ST7: variants seen among roughly 807,000 people sequenced by gnomAD.
The protein encoded by ST7 is suppression of tumorigenicity 7, also known as suppressor of tumorigenicity 7 protein.
Under a neutral mutation model 78.7 loss-of-function variants are expected in ST7, and 28 were observed. The ratio of observed to expected loss-of-function variants is 0.36; its 90% CI spans 0.26 to 0.49. The LOEUF (loss-of-function observed/expected upper bound fraction) is 0.49, where lower values mean the gene tolerates loss of function less well. Among genes scored for constraint, ST7 ranks in the 20% least tolerant of loss-of-function variants. The pLI is 0.99. For missense variants in ST7, 418 were observed against 696.0 expected, an observed-to-expected ratio of 0.60 and a Z score of 4.49; for synonymous variants, 247 against 249.6, an observed-to-expected ratio of 0.99 and a Z score of 0.10.
chr7:116,980,015 G>A (rs984187492), intron 1 of ST7, among the ~76,000 whole-genome samples: 1 of 128,962 alleles, frequency 7.8e-6, no homozygotes, highest in Non-Finnish European at 1.5e-5. Context: ...CTGGAGTGCA[G>A]TGCTGCGATC....
chr7:117,091,645 C>A (rs1800624857), intron 1 of ST7, among the ~76,000 whole-genome samples: 1 of 152,156 alleles, frequency 6.6e-6, no homozygotes, highest in Admixed American at 6.5e-5. Flanking sequence ...CGGCATACTG[C>A]AATTAGCCAG....
intron 1 of ST7, among the ~76,000 whole-genome samples, chr7:117,058,085 T>C (rs1013786424): frequency 4.6e-5 from 7 of 152,190 alleles, no homozygotes; most frequent in Non-Finnish European, 8.8e-5. Context: ...TCTTTATTGT[T>C]ATATTTGCTA....
chr7:117,150,451 G>A (rs1806159374), intron 9 of ST7, among the ~76,000 whole-genome samples: 1 of 151,988 alleles, frequency 6.6e-6, no homozygotes, highest in Non-Finnish European at 1.5e-5. Flanking sequence ...TGGCCAGTTT[G>A]GCATTTCAGT....
intron 3 of ST7, among the ~76,000 whole-genome samples, chr7:117,122,181 C>T (rs1034350140): frequency 7.9e-5 from 12 of 151,976 alleles, no homozygotes; most frequent in African/African-American, 1.2e-4. Flanking sequence ...ATGGCATGTT[C>T]GAGAAATAAA....
chr7:116,985,156 G>A (rs1169759758), intron 1 of ST7, among the ~76,000 whole-genome samples: 1 of 152,114 alleles, frequency 6.6e-6, no homozygotes, highest in Non-Finnish European at 1.5e-5. Flanking sequence ...GTTTTTAAGG[G>A]TAAAATTTAG....
intron 1 of ST7, among the ~76,000 whole-genome samples, chr7:116,968,175 G>T (rs1339375269): frequency 6.6e-6 from 1 of 151,870 alleles, no homozygotes; most frequent in Non-Finnish European, 1.5e-5. Flanking sequence ...TATAAAAAAG[G>T]ATTTAAATTT....
chr7:117,096,845 C>G (rs1801082075), intron 1 of ST7, among the ~76,000 whole-genome samples: 1 of 152,138 alleles, frequency 6.6e-6, no homozygotes, highest in Admixed American at 6.5e-5. Flanking sequence ...GCATCTCCTA[C>G]TCTCTAGGTG....
In ST7 at chr7:117,134,206, C is replaced by T. The variant is rs1457911728; in HGVS notation, c.710+14C>T. ...ATTGTTACCAAAGTAAGTCAAGAAC[C>T]TGTTGGGTGCCCTACTTCTAACCAA... is the stretch of plus-strand genomic sequence containing the variant. On this transcript the variant is annotated intron_variant, in intron 7 of 15. Transcript: ENST00000323984. 1.2e-6 allele frequency: 2 copies of T among 1,611,444 alleles called. No homozygotes were observed. The highest frequency in any genetic ancestry group is 1.7e-6 in the Non-Finnish European group (2 of 1,178,536).
rs928751888 is a variant in ST7, at chr7:117,190,565, G to A, written c.1152-269G>A. Among the ~76,000 whole-genome samples the A allele has an allele frequency of 6.6e-6, 1 of 152,112 alleles. No homozygotes were observed. Among genetic ancestry groups the A allele is most frequent in the Non-Finnish European group, 1.5e-5 (1 of 68,032 alleles). ...TTCCCCTGACCTGAGCAGGTACCTC[G>A]TAGAAGATTTAGATTAGCCATTTAG... On this transcript the variant is annotated intron_variant, in intron 11 of 15. Coordinates refer to ENST00000323984, the MANE Select transcript of ST7 (RefSeq NM_001369598.1). The surrounding 1 kb of genome is among the most constrained non-coding windows in gnomAD (Gnocchi z 5.2).
At chr7:117,101,948 G>T (rs1458722028) in intron 2 of ST7, among the ~76,000 whole-genome samples, 1 of 152,154 alleles carries the variant, frequency 6.6e-6, no homozygotes, top group African/African-American at 2.4e-5. Context: ...TAAGGTATAT[G>T]CGATAATTTA....
At chr7:117,080,663 G>C (rs1020626982) in intron 1 of ST7, among the ~76,000 whole-genome samples, 10 of 152,146 alleles carry the variant, frequency 6.6e-5, no homozygotes, top group Non-Finnish European at 1.2e-4. Context: ...GGATTGATGA[G>C]TGGATGAGAA....
intron 1 of ST7, among the ~76,000 whole-genome samples, chr7:116,977,555 T>C (rs894800411): frequency 1.3e-5 from 2 of 152,232 alleles, no homozygotes; most frequent in Admixed American, 6.5e-5. Context: ...TATGTTTTTA[T>C]ATATTTTTTT....
chr7:117,183,351 G>A (rs942182402), intron 10 of ST7, among the ~76,000 whole-genome samples: 5 of 151,838 alleles, frequency 3.3e-5, no homozygotes, highest in Non-Finnish European at 5.9e-5. Context: ...GCTTGAACCC[G>A]GGAGGTGGAG....
At chr7:117,097,524 A>G (rs1484160902) in intron 1 of ST7, among the ~76,000 whole-genome samples, 1 of 151,714 alleles carries the variant, frequency 6.6e-6, no homozygotes, top group East Asian at 1.9e-4. Context: ...GGGTTTTGCC[A>G]TGTTGGCTAG....
At chr7:117,119,427 T>G in intron 2 of ST7, 134 bp from the exon 3 acceptor site, 5 of 888,870 alleles carry the variant, frequency 5.6e-6, no homozygotes, top group Non-Finnish European at 8.0e-6. Flanking sequence ...TAAAATCTAA[T>G]TTTTAGAATA....
rs1563080974 is a variant in ST7, at chr7:117,099,859, C to T, written c.234+15C>T. On this transcript the variant is annotated intron_variant, in intron 2 of 15. Transcript: ENST00000323984. ...GGCTTATTTTGGTAAGTGGTGGAGT[C>T]CTTCTCATTTAAAAACATGCTGATT... is the stretch of plus-strand genomic sequence containing the variant. The T allele has an allele frequency of 2.5e-6, 4 of 1,600,848 alleles. No individual in the cohort carries two copies. The highest frequency in any genetic ancestry group is 1.7e-5 in the Admixed American group (1 of 59,116).
At chr7:117,212,576 A>AGT (rs1792379655) in intron 13 of ST7, among the ~76,000 whole-genome samples, 1 of 152,200 alleles carries the variant, frequency 6.6e-6, no homozygotes, top group Non-Finnish European at 1.5e-5. Flanking sequence ...AAACATTTTA[A>AGT]ATATCGAATG....
chr7:117,168,439 A>C (rs751315982), intron 9 of ST7, among the ~76,000 whole-genome samples: 67 of 152,326 alleles, frequency 4.4e-4, no homozygotes, highest in Middle Eastern at 3.4e-3. Context: ...CAATTTAGAG[A>C]ATGTCTTTAT....
chr7:117,060,747 T>C (rs1798305150), intron 1 of ST7, among the ~76,000 whole-genome samples: 1 of 152,238 alleles, frequency 6.6e-6, no homozygotes, highest in Admixed American at 6.5e-5. Flanking sequence ...GGCTTACACC[T>C]GTAATCCTAG....
Sources: gnomAD v4.1 joint callset for allele counts (sites outside exome capture counted in the v4.1 genomes callset) on GRCh38, gnomAD v4.1.1 for gene constraint, Gnocchi (gnomAD v3.1) non-coding constraint, MANE v1.5 for transcripts, NCBI Gene and HGNC (gene_info 2026-07-23, HGNC 2026-07-21) for gene names.